LRRC1: variants seen among roughly 807,000 people sequenced by gnomAD.
LRRC1 encodes leucine-rich repeat-containing protein 1.
Under a neutral mutation model 69.9 loss-of-function variants are expected in LRRC1, and 28 were observed. That is an observed-to-expected ratio of 0.40 (90% confidence interval 0.30 to 0.55). The LOEUF is 0.55. Ranked by LOEUF, LRRC1 falls within the 20% of genes least tolerant of loss-of-function variation. The pLI, the probability that LRRC1 is intolerant of heterozygous loss-of-function variation, is 0.47. For missense variants in LRRC1, 498 were observed against 609.0 expected, an observed-to-expected ratio of 0.82 and a Z score of 1.92; for synonymous variants, 236 against 240.2, an observed-to-expected ratio of 0.98 and a Z score of 0.16.
chr6:53,883,693 C>T (rs1234105777), intron 4 of LRRC1, among the ~76,000 whole-genome samples: 1 of 152,182 alleles, frequency 6.6e-6, no homozygotes, highest in Middle Eastern at 3.2e-3. Flanking sequence ...TGCAGTAGCT[C>T]ATGGTTAACC....
rs533470193 is a variant in LRRC1 at position 53,795,509 on chromosome 6, G to T, written c.159+94G>T. The T allele has an allele frequency of 3.8e-5, 49 of 1,303,340 alleles. No homozygotes were observed. The African/African-American group carries it at 6.7e-4, about 18-fold the overall frequency. 80.7% of individuals were successfully genotyped at this position (1,303,340 alleles called of 1,614,324 possible). On this transcript the variant is annotated intron_variant, in intron 1 of 13. Transcript: ENST00000370888. ...CGTCCCCTCTTCCATCTCCGGGTCC[G>T]GCGTGAAGGAACCTTCCCTCTTTTA...
At chr6:53,821,523 C>T (rs1360148533) in intron 1 of LRRC1, among the ~76,000 whole-genome samples, 4 of 152,186 alleles carry the variant, frequency 2.6e-5, no homozygotes, top group Non-Finnish European at 4.4e-5. Flanking sequence ...CTCAGGGACT[C>T]AGGAGTGCCT....
chr6:53,916,363 T>C (rs1490726713), intron 11 of LRRC1, among the ~76,000 whole-genome samples: 1 of 152,148 alleles, frequency 6.6e-6, no homozygotes, highest in Non-Finnish European at 1.5e-5. Context: ...ATTAAAAATA[T>C]TAAAAGACAA....
chr6:53,919,491 A>AAAAG lies in LRRC1; in HGVS notation c.1107-4_1107-3insGAAA, dbSNP rs1562075807. The AAAAG allele has an allele frequency of 6.6e-7, 1 of 1,519,640 alleles. No homozygotes were observed. Among genetic ancestry groups the AAAAG allele is most frequent in the Non-Finnish European group, 8.8e-7 (1 of 1,140,820 alleles). 94.1% of individuals were successfully genotyped at this position (1,519,640 alleles called of 1,614,324 possible). On this transcript the variant is annotated splice_region_variant and splice_polypyrimidine_tract_variant and intron_variant, in intron 11 of 13. Coordinates refer to ENST00000370888, the MANE Select transcript of LRRC1 (RefSeq NM_018214.5). The stretch of plus-strand genomic sequence containing the variant: ...GTCTCTTTTTTTAAAAAAAAAAAAA[A>AAAAG]AAACAGGTTGCTGCATCTACCTTTA...
chr6:53,891,494 T>C (rs1307629605), intron 4 of LRRC1, among the ~76,000 whole-genome samples: 2 of 150,128 alleles, frequency 1.3e-5, no homozygotes, highest in East Asian at 3.9e-4. Context: ...GCCAGATATA[T>C]ATGTATAGAA....
intron 2 of LRRC1, among the ~76,000 whole-genome samples, chr6:53,861,334 G>C (rs965912442): frequency 2.0e-5 from 3 of 151,598 alleles, no homozygotes; most frequent in African/African-American, 7.3e-5. Flanking sequence ...AGGGGACGGT[G>C]GTCCCAGGTG....
At chr6:53,903,563 T>C (rs936492922) in intron 9 of LRRC1, among the ~76,000 whole-genome samples, 1 of 150,124 alleles carries the variant, frequency 6.7e-6, no homozygotes, top group African/African-American at 2.4e-5. Flanking sequence ...TTTTCCCTTT[T>C]CCTTTTCCTT....
chr6:53,815,619 GC>G (rs1764930227), intron 1 of LRRC1, among the ~76,000 whole-genome samples: 1 of 152,164 alleles, frequency 6.6e-6, no homozygotes, highest in Non-Finnish European at 1.5e-5. Context: ...TCCTGCCAAG[GC>G]CCAGAGACTT....
In LRRC1 at chr6:53,919,437, G is replaced by T. The variant is rs9474683; in HGVS notation, c.1107-61G>T. 900 of 1,321,104 alleles carry T rather than the reference G, an allele frequency of 6.8e-4. 7 individuals are homozygous for T. The African/African-American group carries it at 0.011, about 16-fold the overall frequency. The allele number at this position is 1,321,104 out of a possible 1,614,324, so 81.8% of individuals were successfully genotyped here. ...TTTCCTCATTTTGTTGATAGGGATT[G>T]ATTTGATTACAAAATTTGAGGTTGT... On this transcript the variant is annotated intron_variant, in intron 11 of 13. Transcript: ENST00000370888.
chr6:53,837,335 C>T (rs1159449192), intron 1 of LRRC1, among the ~76,000 whole-genome samples: 1 of 152,064 alleles, frequency 6.6e-6, no homozygotes, highest in Non-Finnish European at 1.5e-5. Context: ...GTGTACTGTG[C>T]ATCTTACCTT....
At chr6:53,831,406 C>T (rs1284623189) in intron 1 of LRRC1, among the ~76,000 whole-genome samples, 1 of 152,170 alleles carries the variant, frequency 6.6e-6, no homozygotes, top group East Asian at 1.9e-4. Context: ...ACCATACCCT[C>T]CCGCCCCTTT....
At chr6:53,884,852 C>T (rs774151734) in intron 4 of LRRC1, among the ~76,000 whole-genome samples, 4 of 152,006 alleles carry the variant, frequency 2.6e-5, no homozygotes, top group African/African-American at 4.8e-5. Flanking sequence ...TATATATTTT[C>T]TGTTAATATC....
At chr6:53,893,248 T>A (rs981713300) in intron 4 of LRRC1, among the ~76,000 whole-genome samples, 3 of 152,144 alleles carry the variant, frequency 2.0e-5, no homozygotes, top group Non-Finnish European at 4.4e-5. Flanking sequence ...TAGATATGAT[T>A]ATATTTATTT....
chr6:53,885,196 T>C (rs1767433922), intron 4 of LRRC1, among the ~76,000 whole-genome samples: 1 of 152,226 alleles, frequency 6.6e-6, no homozygotes, highest in Admixed American at 6.5e-5. Context: ...GCATACCTGG[T>C]GTCCAAGACC....
At position 53,919,596 on chromosome 6, in the gene LRRC1, C is replaced by T. The variant is rs1203462657; in HGVS notation, c.1205C>T (p.Thr402Ile). Residue 402 changes from threonine (T) to isoleucine (I), a missense_variant, in exon 12 of 14, where the codon ACA becomes ATA. By Grantham distance (89) the Thr-to-Ile change is moderately conservative. Around this residue, in one of 3 missense-constraint regions of LRRC1, gnomAD observed 162 missense variants for 162.9 expected, o/e 0.99. Transcript: ENST00000370888. Reference protein sequence around the residue: ...SQPLLTFQTDTDYTTGEKILT... With the variant: ...SQPLLTFQTDIDYTTGEKILT... ...CCCCTGCTTACATTCCAGACAGACA[C>T]AGACTACACCACAGGAGAGAAGATT... is the stretch of plus-strand genomic sequence containing the variant. 1 of 1,613,828 alleles carries T rather than the reference C, an allele frequency of 6.2e-7. No individual in the cohort carries two copies. The highest frequency in any genetic ancestry group is 1.1e-5 in the South Asian group (1 of 91,052).
chr6:53,804,977 T>C (rs1290803005), intron 1 of LRRC1, among the ~76,000 whole-genome samples: 2 of 152,130 alleles, frequency 1.3e-5, no homozygotes, highest in Non-Finnish European at 2.9e-5. Context: ...GACACCCAAG[T>C]CCTGTGATCC....
Position 53,896,569 on chromosome 6 carries a change from A to C in LRRC1, c.503+15A>C. 2 of 1,599,500 alleles carry C rather than the reference A, an allele frequency of 1.3e-6. No individual in the cohort carries two copies. Among genetic ancestry groups the C allele is most frequent in the Non-Finnish European group, 1.7e-6 (2 of 1,166,994 alleles). On this transcript the variant is annotated intron_variant, in intron 5 of 13. Transcript: ENST00000370888. ...TATCTTCCTGAGTGAGTCTTTGGGG[A>C]AAATAAGAGGAGATTTTGTGCAGAA...
intron 1 of LRRC1, among the ~76,000 whole-genome samples, chr6:53,799,811 A>G (rs914120884): frequency 1.5e-4 from 23 of 152,138 alleles, no homozygotes; most frequent in African/African-American, 5.3e-4. Context: ...CAGGGCAGCT[A>G]TTCTTTCCAT....
At position 53,898,806 on chromosome 6, in the gene LRRC1, GGAT is replaced by G. The variant is rs112335537; in HGVS notation, c.643-937_643-935del. ...GCAGGATCATAAGGCAATATCAGGT[GGAT>G]GATAAGCTGGAAAGAATAGATCAGA... On this transcript the variant is annotated intron_variant, in intron 7 of 13. Transcript: ENST00000370888. Among the ~76,000 whole-genome samples, 598 of 152,292 alleles carry G rather than the reference GGAT, an allele frequency of 3.9e-3. 3 individuals are homozygous for G. Among genetic ancestry groups the G allele is most frequent in the African/African-American group, 0.013 (555 of 41,556 alleles).
Sources: allele counts gnomAD v4.1 joint callset (sites outside exome capture counted in the v4.1 genomes callset), GRCh38; gene constraint gnomAD v4.1.1; regional missense constraint gnomAD v4.1.1; transcripts MANE v1.5; gene names NCBI Gene and HGNC (gene_info 2026-07-23, HGNC 2026-07-21).